CYBRD1: variants seen among roughly 807,000 people sequenced by gnomAD.
CYBRD1 encodes cytochrome b reductase 1.
CYBRD1 carries 14 observed loss-of-function variants against 21.9 expected under a neutral mutation model. That is an observed-to-expected ratio of 0.64 (90% confidence interval 0.42 to 1.00). The LOEUF is 1.00. Ranked by LOEUF, CYBRD1 falls within the 50% of genes least tolerant of loss-of-function variation. The pLI is 0.00. For synonymous variants in CYBRD1, 146 were observed against 136.5 expected, an observed-to-expected ratio of 1.07 and a Z score of -0.48; for missense variants, 328 against 352.5, an observed-to-expected ratio of 0.93 and a Z score of 0.56.
chr2:171,529,239 C>T (rs1262350221), intron 1 of CYBRD1, among the ~76,000 whole-genome samples: 5 of 151,956 alleles, frequency 3.3e-5, no homozygotes, highest in East Asian at 1.9e-4. Context: ...CATTCAGACA[C>T]GAGAAACTGC....
intron 2 of CYBRD1, chr2:171,551,125 T>G (rs1327783987): frequency 6.2e-6 from 1 of 161,562 alleles, no homozygotes; most frequent in Admixed American, 6.5e-5. Flanking sequence ...CCCAGCTAAT[T>G]TTTTGTAGAG....
chr2:171,541,506 C>T (rs970418739), intron 1 of CYBRD1, 79 bp from the exon 2 acceptor site: 31 of 1,373,882 alleles, frequency 2.3e-5, no homozygotes, highest in Non-Finnish European at 3.1e-5. Context: ...AAGGGAGTGT[C>T]CAGTGTGTCA....
intron 2 of CYBRD1, 64 bp downstream of exon 2, chr2:171,541,857 T>A: frequency 8.0e-7 from 1 of 1,246,652 alleles, no homozygotes; most frequent in Non-Finnish European, 1.1e-6. Flanking sequence ...AAATGTTTTC[T>A]TTTCTTTTTT....
intron 1 of CYBRD1, among the ~76,000 whole-genome samples, chr2:171,528,862 A>G (rs1697422515): frequency 6.6e-6 from 1 of 152,232 alleles, no homozygotes; most frequent in African/African-American, 2.4e-5. Context: ...GGACGAAATT[A>G]TGCAGTCATC....
In CYBRD1 at chr2:171,556,302, T is replaced by C. The variant is rs1683487427; in HGVS notation, c.*1475T>C. The C allele has an allele frequency of 6.8e-6, 1 of 147,136 alleles. No individual in the cohort carries two copies. The highest frequency in any genetic ancestry group is 2.5e-5 in the African/African-American group (1 of 39,264). 9.1% of individuals were successfully genotyped at this position (147,136 alleles called of 1,614,324 possible). A position where few individuals can be genotyped will look rare whatever the true frequency, so the allele number is the denominator to read the frequency against. ...TAGCTAGGGTCTTTCCTGATTTTTA[T>C]GGAATTTTAGGGGATATTTTGAGCT... On this transcript the variant is annotated 3_prime_UTR_variant, in exon 4 of 4. Coordinates refer to ENST00000321348, the MANE Select transcript of CYBRD1 (RefSeq NM_024843.4).
intron 1 of CYBRD1, among the ~76,000 whole-genome samples, chr2:171,529,485 C>A (rs1293054003): frequency 7.8e-6 from 1 of 127,908 alleles, no homozygotes; most frequent in East Asian, 2.5e-4. Flanking sequence ...GAGCTGAGAT[C>A]ATGCCATTGC....
At chr2:171,532,875 ATGTGTGTGTG>A (rs10618404) in intron 1 of CYBRD1, among the ~76,000 whole-genome samples, 4,976 of 147,380 alleles carry the variant, frequency 0.034, 260 homozygotes, top group African/African-American at 0.12. Context: ...CCATTTCACG[ATGTGTGTGTG>A]TGTGTGTGTG....
At chr2:171,523,817 A>C (rs1697347514) in intron 1 of CYBRD1, among the ~76,000 whole-genome samples, 2 of 152,146 alleles carry the variant, frequency 1.3e-5, no homozygotes, top group African/African-American at 4.8e-5. Context: ...ATTTGTAACC[A>C]CTTCCCCAAA....
chr2:171,538,932 G>A (rs1028660936), intron 1 of CYBRD1, among the ~76,000 whole-genome samples: 1 of 151,918 alleles, frequency 6.6e-6, no homozygotes, highest in Non-Finnish European at 1.5e-5. Context: ...CAAGTAGCTG[G>A]GATTACAGGT....
At chr2:171,553,608 A>G in intron 3 of CYBRD1, 108 bp downstream of exon 3, 1 of 978,206 alleles carries the variant, frequency 1.0e-6, no homozygotes, top group Non-Finnish European at 1.4e-6. Flanking sequence ...AGATATTAAA[A>G]TTAAAAAATA....
chr2:171,533,770 C>CTTTT (rs10707105), intron 1 of CYBRD1, among the ~76,000 whole-genome samples: 10 of 130,690 alleles, frequency 7.7e-5, no homozygotes, highest in East Asian at 2.4e-4. Flanking sequence ...TTCTTTCTTT[C>CTTTT]TTTTTTTTTT....
At chr2:171,553,232 C>A in intron 2 of CYBRD1, 114 bp from the exon 3 acceptor site, 1 of 1,235,586 alleles carries the variant, frequency 8.1e-7, no homozygotes. Context: ...CATTTTCTAC[C>A]CTTTGGTTCT....
intron 1 of CYBRD1, among the ~76,000 whole-genome samples, chr2:171,527,130 G>A (rs1697396846): frequency 6.6e-6 from 1 of 152,174 alleles, no homozygotes; most frequent in African/African-American, 2.4e-5. Context: ...TCTAAAAGAA[G>A]CTTCAGGGAC....
At chr2:171,531,437 T>C (rs1697465180) in intron 1 of CYBRD1, among the ~76,000 whole-genome samples, 1 of 152,006 alleles carries the variant, frequency 6.6e-6, no homozygotes, top group Non-Finnish European at 1.5e-5. Context: ...ACACGAGTTA[T>C]GGTTTCTTTC....
chr2:171,549,470 G>A (rs1309913624), intron 2 of CYBRD1, among the ~76,000 whole-genome samples: 1 of 152,170 alleles, frequency 6.6e-6, no homozygotes, highest in Non-Finnish European at 1.5e-5. Flanking sequence ...ATAAGATGTA[G>A]AAAGATATAA....
chr2:171,534,089 C>G (rs1227116901), intron 1 of CYBRD1, among the ~76,000 whole-genome samples: 1 of 152,194 alleles, frequency 6.6e-6, no homozygotes. Context: ...CAGGTATTCA[C>G]TTCTTCCTCC....
At chr2:171,528,022 A>G (rs1697408861) in intron 1 of CYBRD1, among the ~76,000 whole-genome samples, 1 of 152,072 alleles carries the variant, frequency 6.6e-6, no homozygotes, top group South Asian at 2.1e-4. Context: ...CAGTCCTAAT[A>G]GTGTTTGAGT....
At chr2:171,546,273 A>G (rs1460620352) in intron 2 of CYBRD1, among the ~76,000 whole-genome samples, 3 of 152,206 alleles carry the variant, frequency 2.0e-5, no homozygotes, top group South Asian at 2.1e-4. Flanking sequence ...TTTCTTTTGC[A>G]CAGCTATAAA....
At position 171,522,941 on chromosome 2, in the gene CYBRD1, C is replaced by T; in HGVS notation, c.193+203C>T. 2 of 793,104 alleles carry T rather than the reference C, an allele frequency of 2.5e-6. No homozygotes were observed. Among genetic ancestry groups the T allele is most frequent in the South Asian group, 3.8e-5 (2 of 53,060 alleles). 49.1% of individuals were successfully genotyped at this position (793,104 alleles called of 1,614,324 possible). Reference sequence around the variant, plus strand: ...TCTGGGGCGGGACAGAGCTGCGGTTCAGGAGGATCGCCGCGAGCGCGGGGC... The same window carrying T: ...TCTGGGGCGGGACAGAGCTGCGGTTTAGGAGGATCGCCGCGAGCGCGGGGC... On this transcript the variant is annotated intron_variant, in intron 1 of 3. Transcript: ENST00000321348. The surrounding 1 kb of genome is among the most constrained non-coding windows in gnomAD (Gnocchi z 4.3).
Sources: gnomAD v4.1 joint callset for allele counts (sites outside exome capture counted in the v4.1 genomes callset) on GRCh38, gnomAD v4.1.1 for gene constraint, Gnocchi (gnomAD v3.1) non-coding constraint, MANE v1.5 for transcripts, NCBI Gene and HGNC (gene_info 2026-07-23, HGNC 2026-07-21) for gene names.